ARHGEF38: variants seen among roughly 807,000 people sequenced by gnomAD.
ARHGEF38 encodes Rho guanine nucleotide exchange factor 38.
ARHGEF38 carries 79 observed loss-of-function variants against 79.9 expected under a neutral mutation model. The ratio of observed to expected loss-of-function variants is 0.99; its 90% CI spans 0.82 to 1.19. ARHGEF38 has a LOEUF of 1.19. Ranked by LOEUF, ARHGEF38 falls within the 50% of genes most tolerant of loss-of-function variation. The pLI is 0.00. For synonymous variants in ARHGEF38, 366 were observed against 328.3 expected, an observed-to-expected ratio of 1.11 and a Z score of -1.24; for missense variants, 962 against 907.2, an observed-to-expected ratio of 1.06 and a Z score of -0.78.
At chr4:105,648,514 G>A (rs1729950233) in intron 6 of ARHGEF38, 35 bp from the exon 7 acceptor site, 2 of 1,456,904 alleles carry the variant, frequency 1.4e-6, no homozygotes, top group South Asian at 2.9e-5. Flanking sequence ...TATGCTGCAT[G>A]TGTTCAGCTA....
Position 105,659,247 on chromosome 4 carries a change from A to C in ARHGEF38, c.1427A>C (p.Glu476Ala). Residue 476 changes from glutamate (E) to alanine (A), a missense_variant, in exon 10 of 14, where the codon GAG (glutamate) becomes GCG (alanine). Coordinates refer to ENST00000420470, the MANE Select transcript of ARHGEF38 (RefSeq NM_001242729.2). ...GCCCTCAACGCCCAGCTTGTGGAGG[A>C]GCTCCAGGCATTCAACCAGGCTGCT... ...YEALNAQLVEELQAFNQAARK... is the reference protein window; with the variant it reads ...YEALNAQLVEALQAFNQAARK... 1 of 1,536,084 alleles carries C rather than the reference A, an allele frequency of 6.5e-7. No individual in the cohort carries two copies. The highest frequency in any genetic ancestry group is 1.2e-5 in the South Asian group (1 of 84,048).
Position 105,561,454 on chromosome 4 carries a change from A to AGAATGGAATG in ARHGEF38, c.196+8497_196+8498insGGAATGGAAT. Reference sequence around the variant, plus strand: ...AGAATAGAATAGAATAGAATGGAATAGAATAGAATAGAATAGAATAGAATA... The same window carrying AGAATGGAATG: ...AGAATAGAATAGAATAGAATGGAATAGAATGGAATGGAATAGAATAGAATAGAATAGAATA... On this transcript the variant is annotated intron_variant, in intron 1 of 13. Coordinates refer to ENST00000420470, the MANE Select transcript of ARHGEF38 (RefSeq NM_001242729.2). 3.0e-4 allele frequency: 11 copies of AGAATGGAATG among 36,218 alleles called. 2 individuals carry two copies. The South Asian group carries it at 0.012, about 41-fold the overall frequency. 2.2% of individuals were successfully genotyped at this position (36,218 alleles called of 1,614,324 possible).
intron 7 of ARHGEF38, among the ~76,000 whole-genome samples, chr4:105,653,538 G>C (rs1321850417): frequency 6.6e-6 from 1 of 152,088 alleles, no homozygotes; most frequent in East Asian, 1.9e-4. Context: ...GGCCAGGCTG[G>C]ACTCGAACTC....
chr4:105,631,572 G>C (rs1729195592), intron 4 of ARHGEF38: 1 of 985,348 alleles, frequency 1.0e-6, no homozygotes, highest in South Asian at 4.7e-5. Flanking sequence ...AACATTGGTG[G>C]GGGAGCTACA....
At position 105,590,027 on chromosome 4, in the gene ARHGEF38, G is replaced by C. The variant is rs1235022943; in HGVS notation, c.384+592G>C. Among the ~76,000 whole-genome samples, 3 of 143,834 alleles carry C rather than the reference G, an allele frequency of 2.1e-5. No homozygotes were observed. The East Asian group carries it at 6.1e-4, about 29-fold the overall frequency. The allele number at this position is 143,834 out of a possible 152,430, so 94.4% of individuals were successfully genotyped here. On this transcript the variant is annotated intron_variant, in intron 2 of 13. Coordinates refer to ENST00000420470, the MANE Select transcript of ARHGEF38 (RefSeq NM_001242729.2). ...CACTGCAGCCTGGGCAACAGAGTGA[G>C]ACTCTGTCTCAAAAAAAAAAAGAGA... is the stretch of plus-strand genomic sequence containing the variant.
chr4:105,615,300 G>T (rs1397028084), intron 3 of ARHGEF38, among the ~76,000 whole-genome samples: 2 of 152,192 alleles, frequency 1.3e-5, no homozygotes, highest in African/African-American at 2.4e-5. Flanking sequence ...AGACACAAAA[G>T]TTTCTGGAGA....
At chr4:105,576,611 C>T (rs1232072375) in intron 1 of ARHGEF38, among the ~76,000 whole-genome samples, 1 of 152,056 alleles carries the variant, frequency 6.6e-6, no homozygotes, top group Non-Finnish European at 1.5e-5. Context: ...AGTCATGTCA[C>T]CAGTGAGCAG....
At chr4:105,599,164 G>A (rs1270492663) in intron 2 of ARHGEF38, among the ~76,000 whole-genome samples, 1 of 152,064 alleles carries the variant, frequency 6.6e-6, no homozygotes, top group East Asian at 1.9e-4. Flanking sequence ...ATCTTTGCTT[G>A]TTCAGAAAGT....
intron 1 of ARHGEF38, among the ~76,000 whole-genome samples, chr4:105,554,427 G>C (rs1265208521): frequency 1.3e-5 from 2 of 152,064 alleles, no homozygotes; most frequent in Non-Finnish European, 2.9e-5. Flanking sequence ...CTAATGTTTA[G>C]CTCTCACTCA....
Position 105,589,244 on chromosome 4 carries a change from A to G in ARHGEF38, c.197-4A>G. On this transcript the variant is annotated splice_region_variant and splice_polypyrimidine_tract_variant and intron_variant, in intron 1 of 13. Transcript: ENST00000420470. Reference sequence around the variant, plus strand: ...CCTCACCTGTATATGTTTTCATTTAACAGAAAAGATGACTCCACAGGGTGA... The same window carrying G: ...CCTCACCTGTATATGTTTTCATTTAGCAGAAAAGATGACTCCACAGGGTGA... 1 of 1,603,884 alleles carries G rather than the reference A, an allele frequency of 6.2e-7. No individual in the cohort carries two copies. Among genetic ancestry groups the G allele is most frequent in the Non-Finnish European group, 8.5e-7 (1 of 1,177,246 alleles).
At chr4:105,651,023 C>T (rs1430714535) in intron 7 of ARHGEF38, among the ~76,000 whole-genome samples, 4 of 152,138 alleles carry the variant, frequency 2.6e-5, no homozygotes, top group Non-Finnish European at 4.4e-5. Context: ...AATTCCCCCC[C>T]CAAGTCTTTG....
intron 5 of ARHGEF38, among the ~76,000 whole-genome samples, chr4:105,641,782 A>T (rs894837688): frequency 5.3e-5 from 8 of 151,232 alleles, no homozygotes; most frequent in Non-Finnish European, 1.0e-4. Context: ...TTTAATTTTC[A>T]TTGTACTTTT....
intron 1 of ARHGEF38, among the ~76,000 whole-genome samples, chr4:105,561,874 A>C (rs1428712209): frequency 1.1e-4 from 16 of 152,216 alleles, no homozygotes; most frequent in Non-Finnish European, 2.2e-4. Context: ...AATTGTGGAG[A>C]TATGACAAAG....
chr4:105,648,424 C>A, intron 6 of ARHGEF38, 125 bp from the exon 7 acceptor site: 1 of 874,880 alleles, frequency 1.1e-6, no homozygotes, highest in Non-Finnish European at 1.6e-6. Context: ...GCCTCTGCAG[C>A]AGAGGCTCAA....
chr4:105,577,064 T>C (rs964625908), intron 1 of ARHGEF38, among the ~76,000 whole-genome samples: 1 of 148,862 alleles, frequency 6.7e-6, no homozygotes, highest in Non-Finnish European at 1.5e-5. Flanking sequence ...GAAATATTGG[T>C]TTGTAGCTTT....
At chr4:105,595,938 G>A (rs1264178885) in intron 2 of ARHGEF38, among the ~76,000 whole-genome samples, 1 of 152,024 alleles carries the variant, frequency 6.6e-6, no homozygotes, top group Non-Finnish European at 1.5e-5. Context: ...TGCCATTATG[G>A]AATATTTTCC....
chr4:105,619,458 C>G (rs1560725779), intron 3 of ARHGEF38, among the ~76,000 whole-genome samples: 2 of 152,008 alleles, frequency 1.3e-5, no homozygotes, highest in Non-Finnish European at 2.9e-5. Flanking sequence ...CAATTGTGAG[C>G]AAACGAACAG....
At chr4:105,563,816 A>G (rs1367919630) in intron 1 of ARHGEF38, among the ~76,000 whole-genome samples, 1 of 152,230 alleles carries the variant, frequency 6.6e-6, no homozygotes, top group East Asian at 1.9e-4. Context: ...AGTGACCAAC[A>G]AGTATTTTTC....
chr4:105,625,136 A>G (rs1728890954), intron 3 of ARHGEF38, among the ~76,000 whole-genome samples: 1 of 152,212 alleles, frequency 6.6e-6, no homozygotes, highest in Admixed American at 6.5e-5. Flanking sequence ...GTTGGTTTTT[A>G]GAATTGAACT....
Sources: gnomAD v4.1 joint callset for allele counts (sites outside exome capture counted in the v4.1 genomes callset) on GRCh38, gnomAD v4.1.1 for gene constraint, MANE v1.5 for transcripts, NCBI Gene and HGNC (gene_info 2026-07-23, HGNC 2026-07-21) for gene names.